SUMF1: variants seen among roughly 807,000 people sequenced by gnomAD.
SUMF1 encodes the protein sulfatase modifying factor 1, also known as formylglycine-generating enzyme.
A neutral mutation model predicts 47.6 loss-of-function variants in SUMF1; 48 were observed. The ratio of observed to expected loss-of-function variants is 1.01; its 90% CI spans 0.80 to 1.28. SUMF1 has a LOEUF of 1.28. Ranked by LOEUF, SUMF1 falls within the 50% of genes most tolerant of loss-of-function variation. The pLI is 0.00. For synonymous variants in SUMF1, 230 were observed against 192.1 expected, an observed-to-expected ratio of 1.20 and a Z score of -1.63; for missense variants, 571 against 485.4, an observed-to-expected ratio of 1.18 and a Z score of -1.66.
chr3:4,187,776 C>T lies in SUMF1; in HGVS notation c.1015-119031G>A, dbSNP rs531139032. On this transcript the variant is annotated intron_variant and NMD_transcript_variant, in intron 8 of 12. Transcript: ENST00000448413. ...AACCTATTGATTAGTAAATTTCTTC[C>T]AATTTTGAATATTGTGTCCTAAGCT... Among the ~76,000 whole-genome samples, 11 of 152,214 alleles carry T rather than the reference C, an allele frequency of 7.2e-5. No homozygotes were observed. In the South Asian group the frequency reaches 2.3e-3, roughly 32 times the overall value.
At chr3:4,451,666 T>C (rs1202459553) in intron 2 of SUMF1, among the ~76,000 whole-genome samples, 1 of 152,210 alleles carries the variant, frequency 6.6e-6, no homozygotes. Context: ...CTTCTGCTTA[T>C]TACGAATGTG....
intron 8 of SUMF1, among the ~76,000 whole-genome samples, chr3:4,130,803 C>G (rs1355674674): frequency 6.6e-6 from 1 of 152,100 alleles, no homozygotes; most frequent in African/African-American, 2.4e-5. Context: ...GCCCATTTAT[C>G]GAGTGATCCA....
At chr3:4,377,111 G>A (rs1008959455) in intron 7 of SUMF1, among the ~76,000 whole-genome samples, 1 of 152,166 alleles carries the variant, frequency 6.6e-6, no homozygotes, top group African/African-American at 2.4e-5. Context: ...AGAATTATAT[G>A]TTTTTATAAT....
chr3:4,170,872 G>A (rs987766382), intron 8 of SUMF1, among the ~76,000 whole-genome samples: 1 of 152,096 alleles, frequency 6.6e-6, no homozygotes, highest in Non-Finnish European at 1.5e-5. Context: ...TGGTTTGTAG[G>A]AAAAATAAAC....
chr3:4,183,810 C>A (rs747775725), intron 8 of SUMF1, among the ~76,000 whole-genome samples: 1 of 152,080 alleles, frequency 6.6e-6, no homozygotes, highest in Non-Finnish European at 1.5e-5. Flanking sequence ...AAACAAAGAA[C>A]TGGAAGTTGG....
At chr3:4,036,473 G>T (rs1409172675) in intron 9 of SUMF1, among the ~76,000 whole-genome samples, 1 of 151,994 alleles carries the variant, frequency 6.6e-6, no homozygotes, top group Non-Finnish European at 1.5e-5. Flanking sequence ...AGGCCAAAAA[G>T]AAAAAATGAA....
chr3:4,182,837 C>G (rs972876734), intron 8 of SUMF1, among the ~76,000 whole-genome samples: 2 of 152,110 alleles, frequency 1.3e-5, no homozygotes, highest in Non-Finnish European at 2.9e-5. Context: ...AGAGACTCAT[C>G]ACAATAATCC....
chr3:4,276,137 A>AC (rs1697410703), intron 8 of SUMF1, among the ~76,000 whole-genome samples: 1 of 151,974 alleles, frequency 6.6e-6, no homozygotes, highest in Admixed American at 6.6e-5. Flanking sequence ...CCAGAAATCC[A>AC]CCCCCATGGC....
At chr3:4,067,154 C>A (rs1302944787) in intron 9 of SUMF1, among the ~76,000 whole-genome samples, 1 of 152,154 alleles carries the variant, frequency 6.6e-6, no homozygotes. Context: ...GACCATGACT[C>A]TTTTAGAAGT....
intron 8 of SUMF1, among the ~76,000 whole-genome samples, chr3:4,298,117 T>C (rs1454860842): frequency 1.3e-5 from 2 of 152,240 alleles, no homozygotes; most frequent in African/African-American, 2.4e-5. Context: ...GAATAATCAA[T>C]GCAATATTCA....
rs76041512 is a variant in SUMF1, at chr3:4,380,428, G to C, written c.955-4039C>G. Among the ~76,000 whole-genome samples the C allele has an allele frequency of 3.8e-3, 572 of 152,300 alleles. 5 individuals carry two copies. Among genetic ancestry groups the C allele is most frequent in the African/African-American group, 0.013 (546 of 41,570 alleles). ...AGACACTGGGACCTATTTGGGCAAG[G>C]TGGAGGGTGAGAGAAGGATGCGGAC... is the stretch of plus-strand genomic sequence containing the variant. On this transcript the variant is annotated intron_variant, in intron 7 of 8. Transcript: ENST00000272902.
chr3:4,257,861 A>G (rs956077662), intron 8 of SUMF1, among the ~76,000 whole-genome samples: 2 of 151,452 alleles, frequency 1.3e-5, no homozygotes, highest in African/African-American at 4.8e-5. Flanking sequence ...ACTTCAAACT[A>G]TACTACAAGG....
In SUMF1 at chr3:4,205,266, G is replaced by A. The variant is rs137899896; in HGVS notation, c.1015-136521C>T. The stretch of plus-strand genomic sequence containing the variant: ...ACTTTGTGAGATCCACCCCCTGCCC[G>A]CAAAACATTGCTCCAAACTCCACCA... On this transcript the variant is annotated intron_variant and NMD_transcript_variant, in intron 8 of 12. Coordinates refer to the SUMF1 transcript ENST00000448413. 4.3e-3 allele frequency among the ~76,000 whole-genome samples: 648 copies of A among 152,146 alleles called. 3 individuals carry two copies. The highest frequency in any genetic ancestry group is 0.014 in the African/African-American group (562 of 41,510).
At chr3:4,142,287 T>C (rs1055405069) in intron 8 of SUMF1, among the ~76,000 whole-genome samples, 4 of 152,134 alleles carry the variant, frequency 2.6e-5, no homozygotes, top group African/African-American at 7.2e-5. Context: ...GCTGCTTCCA[T>C]AGAGTTTTGA....
At chr3:4,231,827 C>A (rs1330417149) in intron 8 of SUMF1, among the ~76,000 whole-genome samples, 1 of 152,102 alleles carries the variant, frequency 6.6e-6, no homozygotes, top group East Asian at 1.9e-4. Flanking sequence ...ATCATCCTAC[C>A]TTTATGTCAC....
chr3:4,313,480 T>C, intron 8 of SUMF1: 2 of 1,613,982 alleles, frequency 1.2e-6, no homozygotes, highest in Middle Eastern at 1.7e-4. Context: ...GTTGGCACTT[T>C]TTGCAGCCAA....
intron 8 of SUMF1, among the ~76,000 whole-genome samples, chr3:4,236,806 A>C (rs969154984): frequency 1.3e-5 from 2 of 152,086 alleles, no homozygotes; most frequent in Non-Finnish European, 2.9e-5. Context: ...AGTGTTGTAC[A>C]TTCTATGGGT....
intron 7 of SUMF1, among the ~76,000 whole-genome samples, chr3:4,406,406 A>C (rs922709595): frequency 6.6e-6 from 1 of 152,208 alleles, no homozygotes; most frequent in Non-Finnish European, 1.5e-5. Flanking sequence ...CTGTAATCCC[A>C]GCACTTCGGG....
chr3:4,274,393 G>T (rs185672732), intron 8 of SUMF1, among the ~76,000 whole-genome samples: 1 of 152,136 alleles, frequency 6.6e-6, no homozygotes, highest in African/African-American at 2.4e-5. Context: ...TACTATATTC[G>T]GCACTGTACT....
Sources: allele counts gnomAD v4.1 joint callset (sites outside exome capture counted in the v4.1 genomes callset), GRCh38; gene constraint gnomAD v4.1.1; transcripts MANE v1.5; gene names NCBI Gene and HGNC (gene_info 2026-07-23, HGNC 2026-07-21).